TNFAIP8: variants seen among roughly 807,000 people sequenced by gnomAD.
TNFAIP8 encodes the protein TNF alpha induced protein 8.
In TNFAIP8, 7 loss-of-function variants were observed where a neutral mutation model predicts 13.3. That is an observed-to-expected ratio of 0.52 (90% CI 0.30 to 0.99). TNFAIP8 has a LOEUF of 0.99. TNFAIP8 is among the 50% of genes least tolerant of loss of function. TNFAIP8 has a pLI of 0.07. For missense variants in TNFAIP8, 258 were observed against 236.9 expected (o/e 1.09, Z -0.58); for synonymous variants, 94 against 87.6 (o/e 1.07, Z -0.41).
At chr5:119,346,658 A>G (rs1207069704) in intron 1 of TNFAIP8, among the ~76,000 whole-genome samples, 1 of 152,208 alleles carries the variant, frequency 6.6e-6, no homozygotes, top group Non-Finnish European at 1.5e-5. Context: ...AGCTTTGCAA[A>G]GAAATGACAT....
intron 1 of TNFAIP8, among the ~76,000 whole-genome samples, chr5:119,273,185 G>A (rs779311724): frequency 1.3e-5 from 2 of 152,160 alleles, no homozygotes; most frequent in African/African-American, 4.8e-5. Flanking sequence ...AGTAAAAACT[G>A]GGGATAGTAT....
chr5:119,297,292 T>A (rs1749208355), intron 1 of TNFAIP8, among the ~76,000 whole-genome samples: 1 of 152,182 alleles, frequency 6.6e-6, no homozygotes, highest in Non-Finnish European at 1.5e-5. Context: ...TCCCAGAGAT[T>A]CTGGTATGTT....
At chr5:119,288,446 T>C (rs1173701063) in intron 1 of TNFAIP8, among the ~76,000 whole-genome samples, 9 of 152,228 alleles carry the variant, frequency 5.9e-5, no homozygotes, top group Non-Finnish European at 1.3e-4. Flanking sequence ...ACAAATGATT[T>C]GATTGATGTT....
chr5:119,316,670 C>T (rs1199078564), intron 1 of TNFAIP8, among the ~76,000 whole-genome samples: 1 of 152,214 alleles, frequency 6.6e-6, no homozygotes, highest in Non-Finnish European at 1.5e-5. Flanking sequence ...AGGCCTACTC[C>T]AGACTAATTA....
At position 119,393,505 on chromosome 5, in the gene TNFAIP8, A is replaced by G; in HGVS notation, c.*124A>G. 1 of 969,864 alleles carries G rather than the reference A, an allele frequency of 1.0e-6. No homozygotes were observed. Among genetic ancestry groups the G allele is most frequent in the South Asian group, 1.7e-5 (1 of 57,996 alleles). The allele number at this position is 969,864 out of a possible 1,614,324, so 60.1% of individuals were successfully genotyped here. A position where few individuals can be genotyped will look rare whatever the true frequency, so the allele number is the denominator to read the frequency against. On this transcript the variant is annotated 3_prime_UTR_variant, in exon 2 of 2. Coordinates refer to ENST00000504771, the MANE Select transcript of TNFAIP8 (RefSeq NM_014350.4). ...ATTTCAGAAAGACTTTACCCAATTC[A>G]GTTGTCAGACATAATGATTTATTTG...
intron 1 of TNFAIP8, among the ~76,000 whole-genome samples, chr5:119,321,426 ATGTAT>A (rs1275519041): frequency 1.3e-5 from 2 of 152,144 alleles, no homozygotes; most frequent in Admixed American, 6.5e-5. Flanking sequence ...TTCCAAATTA[ATGTAT>A]TTAACACATT....
chr5:119,279,303 C>T (rs777592117), intron 1 of TNFAIP8, among the ~76,000 whole-genome samples: 4 of 152,216 alleles, frequency 2.6e-5, no homozygotes, highest in Non-Finnish European at 5.9e-5. Context: ...CTGCCACAAA[C>T]ACCCTCTTTT....
chr5:119,300,096 C>T (rs191170906), intron 1 of TNFAIP8, among the ~76,000 whole-genome samples: 95 of 152,350 alleles, frequency 6.2e-4, no homozygotes, highest in African/African-American at 1.5e-3. Context: ...CTTCGGCTCG[C>T]GCACGGTGCG....
intron 1 of TNFAIP8, among the ~76,000 whole-genome samples, chr5:119,323,932 A>G (rs1170473555): frequency 1.3e-5 from 2 of 152,238 alleles, no homozygotes; most frequent in Admixed American, 1.3e-4. Flanking sequence ...TTGGAACAAC[A>G]GTGGGTTTGG....
chr5:119,291,562 A>C (rs1748985710), intron 1 of TNFAIP8, among the ~76,000 whole-genome samples: 2 of 152,244 alleles, frequency 1.3e-5, no homozygotes, highest in Non-Finnish European at 2.9e-5. Context: ...TATTTTGCGT[A>C]AGTTAAACTA....
chr5:119,366,084 T>C (rs1751842172), intron 1 of TNFAIP8, among the ~76,000 whole-genome samples: 1 of 149,750 alleles, frequency 6.7e-6, no homozygotes, highest in South Asian at 2.1e-4. Context: ...GATGAGAGCC[T>C]CCGAGGGAAG....
intron 1 of TNFAIP8, among the ~76,000 whole-genome samples, chr5:119,383,260 A>C (rs1056681150): frequency 4.6e-5 from 7 of 152,314 alleles, no homozygotes; most frequent in African/African-American, 1.4e-4. Flanking sequence ...TTTCTTATTT[A>C]GTCATAAATA....
At chr5:119,285,496 T>A (rs1420460750) in intron 1 of TNFAIP8, among the ~76,000 whole-genome samples, 1 of 152,146 alleles carries the variant, frequency 6.6e-6, no homozygotes, top group East Asian at 1.9e-4. Context: ...CCCAGAGGCT[T>A]CCCAGGAGGC....
intron 1 of TNFAIP8, among the ~76,000 whole-genome samples, chr5:119,338,782 CT>C: frequency 6.6e-6 from 1 of 152,176 alleles, no homozygotes; most frequent in African/African-American, 2.4e-5. Flanking sequence ...TTTTTGTTGG[CT>C]CACATAACTG....
At chr5:119,303,834 C>G (rs750683175) in intron 1 of TNFAIP8, among the ~76,000 whole-genome samples, 2 of 152,184 alleles carry the variant, frequency 1.3e-5, no homozygotes, top group African/African-American at 4.8e-5. Context: ...AACAGCCACA[C>G]TTAGTTTCTA....
chr5:119,333,419 A>T (rs1008612395), intron 1 of TNFAIP8: 8 of 1,365,122 alleles, frequency 5.9e-6, no homozygotes, highest in Non-Finnish European at 6.6e-6. Context: ...CTGTGCATTT[A>T]TGTGGTAAGC....
At chr5:119,272,589 A>G (rs1257957270) in intron 1 of TNFAIP8, among the ~76,000 whole-genome samples, 2 of 152,264 alleles carry the variant, frequency 1.3e-5, no homozygotes, top group African/African-American at 2.4e-5. Flanking sequence ...ACTGAAACAA[A>G]CCTGATTCCA....
intron 1 of TNFAIP8, among the ~76,000 whole-genome samples, chr5:119,302,091 G>T (rs1749413156): frequency 6.6e-6 from 1 of 152,186 alleles, no homozygotes; most frequent in Non-Finnish European, 1.5e-5. Flanking sequence ...GGGAGGAGTT[G>T]GTTATTCACT....
intron 1 of TNFAIP8, among the ~76,000 whole-genome samples, chr5:119,357,112 T>C (rs1751456612): frequency 6.6e-6 from 1 of 152,232 alleles, no homozygotes; most frequent in Non-Finnish European, 1.5e-5. Flanking sequence ...TGTCCTCTTC[T>C]GCCTTTTACT....
Sources: allele counts gnomAD v4.1 joint callset (sites outside exome capture counted in the v4.1 genomes callset), GRCh38; gene constraint gnomAD v4.1.1; transcripts MANE v1.5; gene names NCBI Gene and HGNC (gene_info 2026-07-23, HGNC 2026-07-21).